Variants in SNX25 observed in about 807,000 individuals in gnomAD.
SNX25 encodes sorting nexin 25, also known as sorting nexin-25.
SNX25 carries 62 observed loss-of-function variants against 113.7 expected under a neutral mutation model. That is an observed-to-expected ratio of 0.55 (90% CI 0.44 to 0.67). The LOEUF is 0.67. Ranked by LOEUF, SNX25 falls within the 30% of genes least tolerant of loss-of-function variation. The pLI is 0.00. For missense variants in SNX25, 1,014 were observed against 1,161.0 expected (o/e 0.87, Z 1.84); for synonymous variants, 421 against 436.2 (o/e 0.97, Z 0.43).
intron 6 of SNX25, among the ~76,000 whole-genome samples, chr4:185,306,861 T>C (rs2126655891): frequency 6.6e-6 from 1 of 152,346 alleles, no homozygotes; most frequent in Middle Eastern, 3.4e-3. Flanking sequence ...ACCTTCATCC[T>C]CCCACAAAGG....
chr4:185,292,940 T>C (rs1560977116), intron 6 of SNX25, among the ~76,000 whole-genome samples: 2 of 152,184 alleles, frequency 1.3e-5, no homozygotes, highest in African/African-American at 4.8e-5. Flanking sequence ...ATGAAACTTA[T>C]GTTTGTCAAG....
chr4:185,326,164 A>G (rs2095155973), intron 9 of SNX25, among the ~76,000 whole-genome samples: 1 of 152,236 alleles, frequency 6.6e-6, no homozygotes, highest in South Asian at 2.1e-4. Flanking sequence ...GTAGCCCAAA[A>G]GAAAAGTTAC....
chr4:185,368,887 A>G (rs76146932), downstream of SNX25, among the ~76,000 whole-genome samples: 4,314 of 148,942 alleles, frequency 0.029, 87 homozygotes, highest in South Asian at 0.062. Flanking sequence ...TCCTCCTTGC[A>G]GGTTCAAGCG....
the SNX25 span, chr4:185,378,471 T>A: frequency 3.3e-6 from 4 of 1,202,966 alleles, no homozygotes; most frequent in Non-Finnish European, 4.2e-6. Context: ...CCTGTCTGGC[T>A]ATGGGTTTAT....
chr4:185,266,857 G>A (rs1485414947), intron 4 of SNX25, 112 bp from the exon 5 acceptor site: 9 of 916,544 alleles, frequency 9.8e-6, no homozygotes, highest in East Asian at 2.9e-5. Flanking sequence ...ATATTCCCCT[G>A]TTTGACTACT....
chr4:185,318,623 G>A (rs1328458168), intron 7 of SNX25, among the ~76,000 whole-genome samples: 2 of 152,144 alleles, frequency 1.3e-5, no homozygotes, highest in African/African-American at 2.4e-5. Flanking sequence ...ATAAAAATAA[G>A]ATGGAAAACA....
intron 9 of SNX25, among the ~76,000 whole-genome samples, chr4:185,328,586 T>G (rs2095172371): frequency 6.6e-6 from 1 of 152,330 alleles, no homozygotes; most frequent in Non-Finnish European, 1.5e-5. Flanking sequence ...AGCGCTTTCT[T>G]ATCAGGGGTG....
intron 1 of SNX25, among the ~76,000 whole-genome samples, chr4:185,216,622 C>T (rs936706952): frequency 1.4e-5 from 2 of 146,832 alleles, no homozygotes; most frequent in Non-Finnish European, 3.0e-5. Context: ...TGGGTTCAAG[C>T]GATTCTCCTG....
intron 5 of SNX25, among the ~76,000 whole-genome samples, chr4:185,271,440 AT>A (rs1181322234): frequency 6.6e-6 from 1 of 152,044 alleles, no homozygotes; most frequent in African/African-American, 2.4e-5. Flanking sequence ...AGCACGCCTA[AT>A]TTTTGCCATG....
chr4:185,204,809 G>A (rs185694257), upstream of SNX25, among the ~76,000 whole-genome samples: 2 of 152,226 alleles, frequency 1.3e-5, no homozygotes, highest in Non-Finnish European at 2.9e-5. Flanking sequence ...GCCAAGGAGT[G>A]CAGGTAGAAG....
At chr4:185,225,212 A>G (rs1740799864) in intron 1 of SNX25, among the ~76,000 whole-genome samples, 1 of 145,732 alleles carries the variant, frequency 6.9e-6, no homozygotes, top group Non-Finnish European at 1.5e-5. Context: ...TCCACCTCCC[A>G]GGTTCACACC....
chr4:185,351,631 C>T (rs574710674), intron 14 of SNX25, 22 bp downstream of exon 14: 1 of 1,610,046 alleles, frequency 6.2e-7, no homozygotes, highest in African/African-American at 1.3e-5. Context: ...AAAGAGTGAA[C>T]CACTTTTGTA....
intron 10 of SNX25, among the ~76,000 whole-genome samples, chr4:185,333,292 G>A (rs1244264980): frequency 6.6e-6 from 1 of 152,204 alleles, no homozygotes; most frequent in Non-Finnish European, 1.5e-5. Context: ...CAACAAGGAG[G>A]TTTCTCTCAT....
intron 1 of SNX25, among the ~76,000 whole-genome samples, chr4:185,239,052 G>A (rs1322247183): frequency 1.3e-5 from 2 of 152,144 alleles, no homozygotes; most frequent in African/African-American, 4.8e-5. Flanking sequence ...GTCTGTAGTA[G>A]CCTTGACACA....
In SNX25 at chr4:185,323,685, A is replaced by T; in HGVS notation, c.1634A>T (p.Glu545Val). ...VFYKIQEDVY[E>V]TLKDRYYPSF... ...TACAAAATCCAGGAAGATGTTTATGAGACCCTAAAGGATAGGTATTACCCT... is the reference window on the plus strand; with the variant it reads ...TACAAAATCCAGGAAGATGTTTATGTGACCCTAAAGGATAGGTATTACCCT... Residue 545 changes from glutamate to valine, a missense_variant, in exon 9 of 19, where the codon GAG becomes GTG. Physicochemically the swap from Glu to Val is moderately radical, Grantham distance 121. Coordinates refer to ENST00000652585, the MANE Select transcript of SNX25 (RefSeq NM_001378034.2). 1 of 1,613,778 alleles carries T rather than the reference A, an allele frequency of 6.2e-7. No individual in the cohort carries two copies. Among genetic ancestry groups the T allele is most frequent in the Non-Finnish European group, 8.5e-7 (1 of 1,179,812 alleles).
At chr4:185,269,509 G>T (rs1034185443) in intron 5 of SNX25, among the ~76,000 whole-genome samples, 1 of 152,114 alleles carries the variant, frequency 6.6e-6, no homozygotes, top group Non-Finnish European at 1.5e-5. Context: ...CCAAATAGTC[G>T]TTCCACAGTA....
At chr4:185,287,531 G>A (rs542158699) in intron 5 of SNX25, among the ~76,000 whole-genome samples, 8 of 152,158 alleles carry the variant, frequency 5.3e-5, no homozygotes, top group Non-Finnish European at 8.8e-5. Context: ...ACTTGGCACC[G>A]CCCGGTGTGG....
downstream of SNX25, among the ~76,000 whole-genome samples, chr4:185,372,091 C>A (rs1442997115): frequency 6.6e-6 from 1 of 152,172 alleles, no homozygotes. Context: ...TAGTGTCAGT[C>A]TTTTAACCAT....
upstream of SNX25, among the ~76,000 whole-genome samples, chr4:185,207,397 T>A (rs1737234703): frequency 6.6e-6 from 1 of 151,914 alleles, no homozygotes; most frequent in Non-Finnish European, 1.5e-5. Flanking sequence ...TTTGTATTTT[T>A]AGTAGAGACG....
Sources: gnomAD v4.1 joint callset for allele counts (sites outside exome capture counted in the v4.1 genomes callset) on GRCh38, gnomAD v4.1.1 for gene constraint, MANE v1.5 for transcripts, NCBI Gene and HGNC (gene_info 2026-07-23, HGNC 2026-07-21) for gene names.